Variants in SYT1 observed in about 807,000 individuals in gnomAD.
SYT1 encodes synaptotagmin 1.
In SYT1, 8 loss-of-function variants were observed where a neutral mutation model predicts 44.8. That is an observed-to-expected ratio of 0.18 (90% CI 0.10 to 0.32). The LOEUF (loss-of-function observed/expected upper bound fraction) is 0.32, where lower values mean the gene tolerates loss of function less well. SYT1 is among the 10% of genes least tolerant of loss of function. SYT1 has a pLI of 1.00. For missense variants in SYT1, 286 were observed against 509.3 expected (o/e 0.56, Z 4.22); for synonymous variants, 154 against 188.8 (o/e 0.82, Z 1.51).
intron 5 of SYT1, 67 bp downstream of exon 5, chr12:79,286,038 G>A: frequency 2.0e-6 from 3 of 1,501,136 alleles, no homozygotes; most frequent in Non-Finnish European, 2.7e-6. Flanking sequence ...ATTATTTTAT[G>A]CCATATAATT....
At chr12:79,179,263 T>TATAGATATATAG (rs1555204809) in intron 3 of SYT1, among the ~76,000 whole-genome samples, 1 of 104,620 alleles carries the variant, frequency 9.6e-6, no homozygotes, top group Non-Finnish European at 1.9e-5. Flanking sequence ...TAGATATAGA[T>TATAGATATATAG]ATATAGATAT....
intron 1 of SYT1, among the ~76,000 whole-genome samples, chr12:78,869,421 C>T (rs1056609724): frequency 6.6e-6 from 1 of 151,984 alleles, no homozygotes; most frequent in African/African-American, 2.4e-5. Context: ...CCATCATTTA[C>T]TGTCTACATC....
intron 3 of SYT1, among the ~76,000 whole-genome samples, chr12:79,098,603 A>G (rs1651561768): frequency 6.6e-6 from 1 of 152,148 alleles, no homozygotes; most frequent in African/African-American, 2.4e-5. Flanking sequence ...GTGTCCAGTT[A>G]TTCACTAAGA....
chr12:78,918,660 A>T (rs1876807793), intron 1 of SYT1, among the ~76,000 whole-genome samples: 1 of 152,090 alleles, frequency 6.6e-6, no homozygotes, highest in East Asian at 1.9e-4. Context: ...CCAGAAAAAA[A>T]CCAAACAGAG....
intron 3 of SYT1, among the ~76,000 whole-genome samples, chr12:79,109,479 C>A (rs535521376): frequency 2.3e-4 from 35 of 152,208 alleles, no homozygotes; most frequent in African/African-American, 7.7e-4. Flanking sequence ...TATTTATTTG[C>A]TATCTTCCCT....
At chr12:79,060,138 C>A (rs1875266780) in intron 3 of SYT1, among the ~76,000 whole-genome samples, 1 of 152,074 alleles carries the variant, frequency 6.6e-6, no homozygotes, top group Non-Finnish European at 1.5e-5. Context: ...GCTGGTTGAA[C>A]CAAAGTGACA....
intron 8 of SYT1, among the ~76,000 whole-genome samples, chr12:79,327,241 A>T (rs1881647428): frequency 6.6e-6 from 1 of 152,124 alleles, no homozygotes. Flanking sequence ...TTGTCTATAG[A>T]AGTTTCTCTA....
intron 3 of SYT1, among the ~76,000 whole-genome samples, chr12:79,178,924 ATATATC>A (rs1872082248): frequency 1.0e-5 from 1 of 99,490 alleles, no homozygotes; most frequent in East Asian, 2.4e-4. Flanking sequence ...ATAGATATAG[ATATATC>A]TATATAGATA....
chr12:79,352,696 G>GA (rs201165455), intron 8 of SYT1, among the ~76,000 whole-genome samples: 9 of 150,370 alleles, frequency 6.0e-5, no homozygotes, highest in Middle Eastern at 3.4e-3. Context: ...AGTCTTTTCC[G>GA]AAAAAAAAAG....
chr12:79,137,387 C>A lies in SYT1; in HGVS notation c.-17-80116C>A, dbSNP rs569006006. On this transcript the variant is annotated intron_variant, in intron 3 of 10. Transcript: ENST00000261205. ...CTGGGATTACAGGCATGAGCCACCCCACCCGGCCAGAACTTTTTTATACTT... is the reference window on the plus strand; with the variant it reads ...CTGGGATTACAGGCATGAGCCACCCAACCCGGCCAGAACTTTTTTATACTT... 3.7e-4 allele frequency among the ~76,000 whole-genome samples: 57 copies of A among 152,256 alleles called. 1 individual carries two copies. In the East Asian group the frequency reaches 9.3e-3, roughly 25 times the overall value.
chr12:79,063,936 C>T (rs985563958), intron 3 of SYT1, among the ~76,000 whole-genome samples: 1 of 152,128 alleles, frequency 6.6e-6, no homozygotes, highest in Non-Finnish European at 1.5e-5. Context: ...ATTGGTTTCT[C>T]CCTCTCTTCT....
chr12:79,102,268 C>G (rs2138056022), intron 3 of SYT1, among the ~76,000 whole-genome samples: 1 of 147,150 alleles, frequency 6.8e-6, no homozygotes. Flanking sequence ...CTCTCTCTCT[C>G]TTTCTCTCTC....
intron 4 of SYT1, among the ~76,000 whole-genome samples, chr12:79,278,779 G>A (rs1255844415): frequency 6.6e-6 from 1 of 151,672 alleles, no homozygotes; most frequent in East Asian, 1.9e-4. Context: ...AAAAAAAGAA[G>A]AAAGAGAATT....
At chr12:78,991,191 A>T (rs1397502089) in intron 2 of SYT1, among the ~76,000 whole-genome samples, 2 of 152,160 alleles carry the variant, frequency 1.3e-5, no homozygotes, top group Non-Finnish European at 2.9e-5. Context: ...ATCAAAATTA[A>T]ATGAATATTT....
At chr12:78,936,655 G>A (rs1411452896) in intron 1 of SYT1, among the ~76,000 whole-genome samples, 3 of 151,898 alleles carry the variant, frequency 2.0e-5, no homozygotes, top group Non-Finnish European at 4.4e-5. Flanking sequence ...ATATTTTTCT[G>A]ACTTTAACCG....
intron 1 of SYT1, among the ~76,000 whole-genome samples, chr12:78,968,054 T>C (rs1374147054): frequency 4.6e-5 from 7 of 152,078 alleles, no homozygotes; most frequent in Non-Finnish European, 8.8e-5. Flanking sequence ...TTACTAAAGA[T>C]TACATATCTA....
chr12:78,976,429 C>T (rs1032709063), intron 1 of SYT1, among the ~76,000 whole-genome samples: 3 of 152,152 alleles, frequency 2.0e-5, no homozygotes, highest in Admixed American at 6.5e-5. Context: ...TAAGGACTTA[C>T]GTTTTCCCAA....
chr12:79,026,813 C>A (rs1170466053), intron 2 of SYT1, among the ~76,000 whole-genome samples: 2 of 150,102 alleles, frequency 1.3e-5, no homozygotes, highest in Non-Finnish European at 3.0e-5. Context: ...CTTTGAGATA[C>A]TAATTTCTTT....
intron 2 of SYT1, among the ~76,000 whole-genome samples, chr12:79,027,546 A>G (rs1294397695): frequency 2.0e-5 from 3 of 151,444 alleles, no homozygotes; most frequent in Non-Finnish European, 3.0e-5. Flanking sequence ...ATGTAGATAT[A>G]TATAAACTTG....
Sources: gnomAD v4.1 joint callset for allele counts (sites outside exome capture counted in the v4.1 genomes callset) on GRCh38, gnomAD v4.1.1 for gene constraint, MANE v1.5 for transcripts, NCBI Gene and HGNC (gene_info 2026-07-23, HGNC 2026-07-21) for gene names.